SLC26A11: variants seen among roughly 807,000 people sequenced by gnomAD.
The protein encoded by SLC26A11 is solute carrier family 26 member 11.
Under a neutral mutation model 62.2 loss-of-function variants are expected in SLC26A11, and 58 were observed. The observed-to-expected ratio is 0.93, with a 90% CI of 0.76 to 1.16. The LOEUF is 1.16. SLC26A11 is among the 50% of genes most tolerant of loss of function. The pLI is 0.00. For missense variants in SLC26A11, 790 were observed against 794.3 expected (o/e 0.99, Z 0.06); for synonymous variants, 411 against 368.9 (o/e 1.11, Z -1.31).
rs761405585 is a variant in SLC26A11, at chr17:80,236,935, C to T, written c.744C>T (p.Asn248=). The change falls in exon 8 of 18, where the codon AAC becomes AAT. Residue 248 remains asparagine (N), a synonymous_variant. Coordinates refer to ENST00000361193, the MANE Select transcript of SLC26A11 (RefSeq NM_001166347.2). ...CCTCTCCTTCTCTCCTAGCTCGCAACGCCCTGGTGGTCTCCTTCGCAGCCC... is the reference window on the plus strand; with the variant it reads ...CCTCTCCTTCTCTCCTAGCTCGCAATGCCCTGGTGGTCTCCTTCGCAGCCC... The part of the protein sequence containing the change: ...GLVWAATTAR[N]ALVVSFAALV... 62 of 1,609,862 alleles carry T rather than the reference C, an allele frequency of 3.9e-5. No individual in the cohort carries two copies. The highest frequency in any genetic ancestry group is 2.5e-4 in the Admixed American group (15 of 59,914).
rs1598815144 is a variant in SLC26A11, at chr17:80,235,820, G to A, written c.737-1108G>A. 3.9e-5 allele frequency among the ~76,000 whole-genome samples: 6 copies of A among 152,292 alleles called. No individual in the cohort carries two copies. The South Asian group carries it at 1.2e-3, about 32-fold the overall frequency. On this transcript the variant is annotated intron_variant, in intron 7 of 17. Coordinates refer to ENST00000361193, the MANE Select transcript of SLC26A11 (RefSeq NM_001166347.2). Reference sequence around the variant, plus strand: ...ACTTAGGACAGTTCGATCCATTTAGGTCTTACTTTTAAGCTTTGTGAGCTG... The same window carrying A: ...ACTTAGGACAGTTCGATCCATTTAGATCTTACTTTTAAGCTTTGTGAGCTG...
At chr17:80,245,974 A>G (rs945499097) in intron 11 of SLC26A11, among the ~76,000 whole-genome samples, 180 bp from the exon 12 acceptor site, 2 of 152,212 alleles carry the variant, frequency 1.3e-5, no homozygotes, top group East Asian at 3.9e-4. Context: ...GGGTGGCCCA[A>G]GCGCGGCTGT....
Position 80,245,198 on chromosome 17 carries a change from C to G in SLC26A11, c.1039C>G (p.Leu347Val). 1 of 1,613,916 alleles carries G rather than the reference C, an allele frequency of 6.2e-7. No homozygotes were observed. Among genetic ancestry groups the G allele is most frequent in the Non-Finnish European group, 8.5e-7 (1 of 1,179,968 alleles). ...DANQELLAIGLTNMLGSLVSS... is the reference protein window; with the variant it reads ...DANQELLAIGVTNMLGSLVSS... The stretch of plus-strand genomic sequence containing the variant: ...AGCCTGTCTTGCCTCCTCCCCAGGT[C>G]TCACCAACATGTTGGGCTCCCTCGT... Residue 347 changes from leucine (L) to valine (V), a missense_variant and splice_region_variant, in exon 11 of 18, where the codon CTC (leucine) becomes GTC (valine). Transcript: ENST00000361193.
rs529514705 is a variant in SLC26A11, at chr17:80,224,562, C to T, written c.513+1225C>T. Among the ~76,000 whole-genome samples, 8 of 152,158 alleles carry T rather than the reference C, an allele frequency of 5.3e-5. No homozygotes were observed. The South Asian group carries it at 6.2e-4, about 12-fold the overall frequency. ...TCCATGTGTAATTCTCAACACACCC[C>T]GGGAGGTAGATTTATCATTATTTCC... On this transcript the variant is annotated intron_variant, in intron 5 of 17. Transcript: ENST00000361193.
chr17:80,248,510 G>T (rs2144980407), intron 14 of SLC26A11, 65 bp from the exon 15 acceptor site: 1 of 1,490,464 alleles, frequency 6.7e-7, no homozygotes, highest in Non-Finnish European at 9.0e-7. Context: ...TCCCGCTTGG[G>T]ACAGGCCAAG....
intron 5 of SLC26A11, among the ~76,000 whole-genome samples, chr17:80,224,174 T>TGTGTGAGAGA (rs1217699194): frequency 2.1e-5 from 3 of 141,752 alleles, no homozygotes; most frequent in African/African-American, 7.5e-5. Context: ...CAGGAGAGTG[T>TGTGTGAGAGA]GTGTGAGAGT....
intron 9 of SLC26A11, among the ~76,000 whole-genome samples, chr17:80,238,390 A>G (rs2042757023): frequency 6.6e-6 from 1 of 152,170 alleles, no homozygotes; most frequent in Admixed American, 6.5e-5. Flanking sequence ...ATTGGTAATA[A>G]TGGCTATGTT....
rs767796154 is a variant in SLC26A11, at chr17:80,246,638, G to A, written c.1283G>A (p.Trp428Ter). Residue 428 changes from tryptophan (W) to a stop codon, truncating the protein, a stop_gained, in exon 13 of 18, where the codon TGG (tryptophan) becomes TAG (stop). Coordinates refer to ENST00000361193, the MANE Select transcript of SLC26A11 (RefSeq NM_001166347.2). LOFTEE classifies it high-confidence loss of function. This position sits in a 1 kb window ranked among gnomAD's most constrained non-coding sequence, Gnocchi z 4.4. ...LFDTKIFRTL[W>*]RVKRLDLLPL... ...GACACCAAGATCTTCAGGACGCTCT[G>A]GCGTGTTAAGAGTACGTCCTTGTCC... 4 of 1,613,776 alleles carry A rather than the reference G, an allele frequency of 2.5e-6. No homozygotes were observed. The highest frequency in any genetic ancestry group is 3.4e-6 in the Non-Finnish European group (4 of 1,179,930).
chr17:80,233,584 A>ATTTTTT (rs56289503), intron 7 of SLC26A11, among the ~76,000 whole-genome samples: 8 of 142,428 alleles, frequency 5.6e-5, no homozygotes, highest in Non-Finnish European at 7.6e-5. Flanking sequence ...CTCTTTCAGC[A>ATTTTTT]TTTTTTTTTT....
chr17:80,250,430 C>A (rs928260093), intron 16 of SLC26A11, among the ~76,000 whole-genome samples: 1 of 152,168 alleles, frequency 6.6e-6, no homozygotes, highest in Non-Finnish European at 1.5e-5. Flanking sequence ...GGATGGTGGG[C>A]CCGGCTTCAG....
At chr17:80,225,662 G>T (rs2042387457) in intron 5 of SLC26A11, 175 bp from the exon 6 acceptor site, 1 of 619,848 alleles carries the variant, frequency 1.6e-6, no homozygotes, top group African/African-American at 1.8e-5. Context: ...GCCCTAGGGG[G>T]CGTTGGGAGT....
chr17:80,221,673 C>T lies in SLC26A11; in HGVS notation c.113C>T (p.Ala38Val), dbSNP rs551429137. 1.9e-6 allele frequency: 3 copies of T among 1,613,258 alleles called. No homozygotes were observed. The highest frequency in any genetic ancestry group is 1.7e-4 in the Middle Eastern group (1 of 6,046). ...AALQRRLPIL[A>V]WLPSYSLQWL... ...CTGCAGAGGAGGCTGCCCATCCTGG[C>T]GTGGCTGCCCAGCTACTCCCTGCAG... Residue 38 changes from alanine (A) to valine (V), a missense_variant, in exon 3 of 18, where the codon GCG becomes GTG. Physicochemically the swap from Ala to Val is moderately conservative, Grantham distance 64 (BLOSUM62 0). Transcript: ENST00000361193.
In SLC26A11 at chr17:80,245,183, G is replaced by T. The variant is rs1485250487; in HGVS notation, c.1037-13G>T. ...CTTCCCTCCACGATCAGCCTGTCTT[G>T]CCTCCTCCCCAGGTCTCACCAACAT... On this transcript the variant is annotated splice_polypyrimidine_tract_variant and intron_variant, in intron 10 of 17. Coordinates refer to ENST00000361193, the MANE Select transcript of SLC26A11 (RefSeq NM_001166347.2). 2 of 1,613,238 alleles carry T rather than the reference G, an allele frequency of 1.2e-6. No homozygotes were observed. Among genetic ancestry groups the T allele is most frequent in the African/African-American group, 1.3e-5 (1 of 74,690 alleles).
At chr17:80,240,239 C>T (rs562332470) in intron 9 of SLC26A11, among the ~76,000 whole-genome samples, 57 of 152,228 alleles carry the variant, frequency 3.7e-4, no homozygotes, top group African/African-American at 1.3e-3. Context: ...TGGTGGCGGG[C>T]GCCTGTAGTC....
Position 80,221,601 on chromosome 17 carries a change from CTGGCCCCGGGA to C in SLC26A11, c.50_60del (p.Gly17GlufsTer51). Reference sequence around the variant, plus strand: ...ACGGCGCTGGGTCAGGCCAGGTCCTCTGGCCCCGGGATGGCCCCGAGCGCCTGCTGCTGCTC... The same window carrying C: ...ACGGCGCTGGGTCAGGCCAGGTCCTCTGGCCCCGAGCGCCTGCTGCTGCTC... On this transcript the variant is annotated frameshift_variant, in exon 3 of 18. Transcript: ENST00000361193. LOFTEE classifies it high-confidence loss of function. The C allele has an allele frequency of 6.2e-7, 1 of 1,606,666 alleles. No individual in the cohort carries two copies. Among genetic ancestry groups the C allele is most frequent in the Non-Finnish European group, 8.5e-7 (1 of 1,179,458 alleles).
At chr17:80,244,955 A>G (rs988386136) in intron 10 of SLC26A11, among the ~76,000 whole-genome samples, 2 of 147,760 alleles carry the variant, frequency 1.4e-5, no homozygotes, top group African/African-American at 2.5e-5. Context: ...AGCCTGGGCA[A>G]CAAAGCCAGA....
chr17:80,231,479 T>G (rs2042566739), intron 7 of SLC26A11, among the ~76,000 whole-genome samples: 1 of 152,174 alleles, frequency 6.6e-6, no homozygotes, highest in Admixed American at 6.5e-5. Flanking sequence ...TTTCAGATTC[T>G]TAAGGTGGAA....
At chr17:80,231,141 CTTTT>C (rs34366910) in intron 7 of SLC26A11, among the ~76,000 whole-genome samples, 14 of 97,482 alleles carry the variant, frequency 1.4e-4, no homozygotes, top group African/African-American at 5.5e-4. Flanking sequence ...TAACTTTATC[CTTTT>C]TTTTTTTTTT....
chr17:80,251,272 G>A (rs1274194333), intron 16 of SLC26A11, 57 bp from the exon 17 acceptor site: 32 of 1,613,320 alleles, frequency 2.0e-5, no homozygotes, highest in South Asian at 8.8e-5. Flanking sequence ...CCAGGCTGCC[G>A]ACCCGTGTGC....
Sources: gnomAD v4.1 joint callset for allele counts (sites outside exome capture counted in the v4.1 genomes callset) on GRCh38, gnomAD v4.1.1 for gene constraint, Gnocchi (gnomAD v3.1) non-coding constraint, MANE v1.5 for transcripts, NCBI Gene and HGNC (gene_info 2026-07-23, HGNC 2026-07-21) for gene names.